The following MIA3 variants were observed in gnomAD, a reference collection of about 807,000 sequenced individuals.
The protein encoded by MIA3 is MIA SH3 domain ER export factor 3.
A neutral mutation model predicts 192.4 loss-of-function variants in MIA3; 90 were observed. That is an observed-to-expected ratio of 0.47 (90% CI 0.39 to 0.56). The LOEUF (loss-of-function observed/expected upper bound fraction) is 0.56. Among genes scored for constraint, MIA3 ranks in the 20% least tolerant of loss-of-function variants. The probability of loss-of-function intolerance (pLI) is 0.00; values close to 1 mark genes in which losing one functional copy is unlikely to be tolerated. For synonymous variants in MIA3, 740 were observed against 792.8 expected (o/e 0.93, Z 1.12); for missense variants, 2,123 against 2,269.4 (o/e 0.94, Z 1.31).
chr1:222,620,836 T>C (rs1661821227), intron 1 of MIA3, among the ~76,000 whole-genome samples: 2 of 152,226 alleles, frequency 1.3e-5, no homozygotes, highest in Non-Finnish European at 2.9e-5. Context: ...ACTAGAAGGT[T>C]AGAGAGGGAA....
rs1663391807 is a variant in MIA3, at chr1:222,650,831, G to A, written c.3837G>A (p.Leu1279=). 1 of 1,610,290 alleles carries A rather than the reference G, an allele frequency of 6.2e-7. No homozygotes were observed. The highest frequency in any genetic ancestry group is 8.5e-7 in the Non-Finnish European group (1 of 1,178,454). ...IKTLEKNQEI[L]DDTAKNLRVM... is the part of the protein sequence containing the mutation. Reference sequence around the variant, plus strand: ...CACTTGAAAAAAATCAGGAAATTCTGGATGACACAGCTAAAAATCTTCGTG... The same window carrying A: ...CACTTGAAAAAAATCAGGAAATTCTAGATGACACAGCTAAAAATCTTCGTG... The change falls in exon 11 of 28, where the codon CTG becomes CTA. Residue 1279 remains leucine, a synonymous_variant. Transcript: ENST00000344922.
rs1662296739 is a variant in MIA3 at position 222,629,600 on chromosome 1, A to G, written c.2380A>G (p.Thr794Ala). 8 of 1,613,902 alleles carry G rather than the reference A, an allele frequency of 5.0e-6. No homozygotes were observed. The highest frequency in any genetic ancestry group is 6.8e-6 in the Non-Finnish European group (8 of 1,179,970). Residue 794 changes from threonine to alanine, a missense_variant, in exon 4 of 28, where the codon ACT (threonine) becomes GCT (alanine). Transcript: ENST00000344922. ...MILDSEKTSE[T>A]AAKGVNTGGR... Reference sequence around the variant, plus strand: ...TTTGGATAGCGAAAAAACAAGTGAGACTGCTGCCAAAGGGGTCAACACAGG... The same window carrying G: ...TTTGGATAGCGAAAAAACAAGTGAGGCTGCTGCCAAAGGGGTCAACACAGG...
chr1:222,628,542 A>C lies in MIA3; in HGVS notation c.1322A>C (p.Asp441Ala). Residue 441 changes from aspartate to alanine, a missense_variant, in exon 4 of 28, where the codon GAT becomes GCT. By Grantham distance (126) the Asp-to-Ala change is moderately radical (BLOSUM62 -2). This residue lies in a region of MIA3 where 1,357 missense variants were observed against 1,396.1 expected (regional missense o/e 0.97). Coordinates refer to ENST00000344922, the MANE Select transcript of MIA3 (RefSeq NM_198551.4). ...ATDYSDPDNV[D>A]DGLFIVDIPK... ...GATTATAGTGACCCTGACAATGTAGATGATGGTCTTTTTATTGTAGACATT... is the reference window on the plus strand; with the variant it reads ...GATTATAGTGACCCTGACAATGTAGCTGATGGTCTTTTTATTGTAGACATT... The C allele has an allele frequency of 6.2e-7, 1 of 1,614,232 alleles. No individual in the cohort carries two copies.
intron 7 of MIA3, among the ~76,000 whole-genome samples, chr1:222,646,708 T>G (rs1286645277): frequency 1.3e-5 from 2 of 152,182 alleles, no homozygotes; most frequent in Admixed American, 1.3e-4. Context: ...CACTCCAGCC[T>G]AGGCGACAAA....
At chr1:222,633,392 AGGTG>A in intron 6 of MIA3, 143 bp downstream of exon 6, 1 of 714,876 alleles carries the variant, frequency 1.4e-6, no homozygotes, top group Non-Finnish European at 2.3e-6. Context: ...AATGAGCCAC[AGGTG>A]TGTGGCTTTA....
chr1:222,663,825 C>G (rs946536493), intron 26 of MIA3, 173 bp from the exon 27 acceptor site: 21 of 616,018 alleles, frequency 3.4e-5, no homozygotes, highest in Middle Eastern at 4.4e-4. Context: ...TACTTTTAAC[C>G]TTTCTAAGCT....
intron 7 of MIA3, 36 bp from the exon 8 acceptor site, chr1:222,648,793 T>C: frequency 7.9e-6 from 9 of 1,143,378 alleles, no homozygotes; most frequent in Non-Finnish European, 1.2e-5. Context: ...TAATAAAATG[T>C]TTGACATCAA....
In MIA3 at chr1:222,658,817, C is replaced by T; in HGVS notation, c.4703C>T (p.Thr1568Ile). 6.2e-7 allele frequency: 1 copy of T among 1,610,458 alleles called. No individual in the cohort carries two copies. The highest frequency in any genetic ancestry group is 8.5e-7 in the Non-Finnish European group (1 of 1,177,744). ...GTTTCGGCTGCAGAGGAAGTAAAAA[C>T]TTACAAGTAAGTTCACCTCCTAAAG... ...KAVSAAEEVK[T>I]YKRRIEEMED... The change falls in exon 19 of 28, where the codon ACT (threonine) becomes ATT (isoleucine). Residue 1568 changes from threonine to isoleucine, a missense_variant. Physicochemically the swap from Thr to Ile is moderately conservative, Grantham distance 89. Around this residue, in one of 3 missense-constraint regions of MIA3, gnomAD observed 762 missense variants for 856.4 expected, o/e 0.89. Transcript: ENST00000344922.
rs1664266289 is a variant in MIA3, at chr1:222,666,038, TCACAAAGACTGTTACGCTAAAAATGTTTA to T, written c.*421_*449del. 6.5e-6 allele frequency: 1 copy of T among 153,792 alleles called. No homozygotes were observed. Among genetic ancestry groups the T allele is most frequent in the Non-Finnish European group, 1.4e-5 (1 of 69,204 alleles). 9.5% of individuals were successfully genotyped at this position (153,792 alleles called of 1,614,324 possible). On this transcript the variant is annotated 3_prime_UTR_variant, in exon 28 of 28. Transcript: ENST00000344922. Reference sequence around the variant, plus strand: ...ATAAGCGTTTTTTTAAACTATCTGGTCACAAAGACTGTTACGCTAAAAATGTTTACTAAAAGATCACTAAACTATCTCCC... The same window carrying T: ...ATAAGCGTTTTTTTAAACTATCTGGTCTAAAAGATCACTAAACTATCTCCC...
In MIA3 at chr1:222,630,153, T is replaced by G. The variant is rs533593691; in HGVS notation, c.2933T>G (p.Val978Gly). 1 of 1,614,158 alleles carries G rather than the reference T, an allele frequency of 6.2e-7. No individual in the cohort carries two copies. Among genetic ancestry groups the G allele is most frequent in the African/African-American group, 1.3e-5 (1 of 75,032 alleles). Residue 978 changes from valine (V) to glycine (G), a missense_variant, in exon 4 of 28, where the codon GTC becomes GGC. Physicochemically the swap from Val to Gly is moderately radical, Grantham distance 109 (BLOSUM62 -3). This residue lies in a region of MIA3 where 1,357 missense variants were observed against 1,396.1 expected (regional missense o/e 0.97). Coordinates refer to ENST00000344922, the MANE Select transcript of MIA3 (RefSeq NM_198551.4). Reference protein sequence around the residue: ...PYNMEKVLDKVFRASESQILS... With the variant: ...PYNMEKVLDKGFRASESQILS... ...AATATGGAAAAAGTCCTAGATAAGG[T>G]CTTCCGTGCTTCTGAGTCACAAATT...
Position 222,643,136 on chromosome 1 carries a change from A to G in MIA3, c.3478-2418A>G, listed in dbSNP as rs558765750. 8.0e-5 allele frequency among the ~76,000 whole-genome samples: 12 copies of G among 150,812 alleles called. No individual in the cohort carries two copies. In the South Asian group the frequency reaches 2.3e-3, roughly 29 times the overall value. ...AAGGTCTTGCCCACTCACATAATACATAGAGACAGTCACTCAATTTTTTCA... is the reference window on the plus strand; with the variant it reads ...AAGGTCTTGCCCACTCACATAATACGTAGAGACAGTCACTCAATTTTTTCA... On this transcript the variant is annotated intron_variant, in intron 6 of 27. Transcript: ENST00000344922.
At chr1:222,663,953 G>A (rs1353700806) in intron 26 of MIA3, 45 bp from the exon 27 acceptor site, 3 of 1,555,410 alleles carry the variant, frequency 1.9e-6, no homozygotes, top group Admixed American at 3.8e-5. Flanking sequence ...GCTTTTGTCT[G>A]TCATACCATA....
chr1:222,641,763 C>A, intron 6 of MIA3: 1 of 559,348 alleles, frequency 1.8e-6, no homozygotes. Context: ...CCACTTTGAG[C>A]TGGGCAATGG....
In MIA3 at chr1:222,630,330, A is replaced by G; in HGVS notation, c.3110A>G (p.Glu1037Gly). The G allele has an allele frequency of 6.2e-7, 1 of 1,614,020 alleles. No individual in the cohort carries two copies. The highest frequency in any genetic ancestry group is 8.5e-7 in the Non-Finnish European group (1 of 1,179,954). ...FVRYKHSTAE[E>G]TATLVMAPPL... ...AGGTACAAGCACTCCACAGCAGAGG[A>G]GACAGCCACACTGGTGATGGCACCA... The change falls in exon 4 of 28, where the codon GAG becomes GGG. Residue 1037 changes from glutamate to glycine, a missense_variant. Transcript: ENST00000344922.
intron 1 of MIA3, among the ~76,000 whole-genome samples, chr1:222,618,518 C>T (rs1461749070): frequency 3.9e-5 from 6 of 152,218 alleles, no homozygotes. Context: ...TTTTATTTTT[C>T]CTCTGCTGAG....
chr1:222,657,180 A>G (rs1315455563), intron 18 of MIA3, among the ~76,000 whole-genome samples: 1 of 152,232 alleles, frequency 6.6e-6, no homozygotes. Context: ...TCATTACTTT[A>G]TTCCAGTTAG....
At chr1:222,659,534 C>A in intron 20 of MIA3, 21 bp downstream of exon 20, 1 of 1,611,782 alleles carries the variant, frequency 6.2e-7, no homozygotes, top group Non-Finnish European at 8.5e-7. Flanking sequence ...TAGTGCCCTA[C>A]TATATAGTGC....
At chr1:222,635,911 T>C (rs1223499296) in intron 6 of MIA3, among the ~76,000 whole-genome samples, 1 of 152,238 alleles carries the variant, frequency 6.6e-6, no homozygotes, top group Non-Finnish European at 1.5e-5. Flanking sequence ...GCCTATTTCA[T>C]TCTTATACTG....
chr1:222,658,700 T>G (rs1459375030), intron 18 of MIA3, 22 bp from the exon 19 acceptor site: 1 of 1,562,610 alleles, frequency 6.4e-7, no homozygotes. Flanking sequence ...AACACTTTCA[T>G]TGACAACCAG....
Sources: gnomAD v4.1 joint callset for allele counts (sites outside exome capture counted in the v4.1 genomes callset) on GRCh38, gnomAD v4.1.1 for gene constraint, gnomAD v4.1.1 regional missense constraint, MANE v1.5 for transcripts, NCBI Gene and HGNC (gene_info 2026-07-23, HGNC 2026-07-21) for gene names.